Variants in SEC63 observed in about 807,000 individuals in gnomAD.
The protein encoded by SEC63 is translocation protein SEC63 homolog.
Under a neutral mutation model 116.2 loss-of-function variants are expected in SEC63, and 56 were observed. The ratio of observed to expected loss-of-function variants is 0.48; its 90% CI spans 0.39 to 0.60. The LOEUF is 0.60. Among genes scored for constraint, SEC63 ranks in the 20% least tolerant of loss-of-function variants. SEC63 has a pLI of 0.00. For synonymous variants in SEC63, 273 were observed against 294.6 expected (o/e 0.93, Z 0.75); for missense variants, 668 against 900.0 (o/e 0.74, Z 3.30).
chr6:107,912,839 T>C, intron 5 of SEC63, 65 bp from the exon 6 acceptor site: 1 of 1,151,792 alleles, frequency 8.7e-7, no homozygotes, highest in Non-Finnish European at 1.3e-6. Flanking sequence ...ATACATTAAA[T>C]ATATTTGGGA....
intron 2 of SEC63, among the ~76,000 whole-genome samples, chr6:107,926,591 C>T (rs962997616): frequency 1.3e-5 from 2 of 152,020 alleles, no homozygotes; most frequent in Non-Finnish European, 1.5e-5. Flanking sequence ...TTGGTAATAG[C>T]CTCAATATGC....
intron 16 of SEC63, among the ~76,000 whole-genome samples, chr6:107,887,304 T>A (rs1228534988): frequency 6.9e-6 from 1 of 143,888 alleles, no homozygotes; most frequent in Non-Finnish European, 1.5e-5. Context: ...CACACGTATG[T>A]TTATTGCCGC....
intron 17 of SEC63, among the ~76,000 whole-genome samples, chr6:107,881,877 G>GA (rs1786421236): frequency 6.6e-6 from 1 of 152,124 alleles, no homozygotes; most frequent in Admixed American, 6.6e-5. Flanking sequence ...ACAGCCTTGG[G>GA]ATGTGACAGG....
chr6:107,907,464 C>A (rs996810374), intron 8 of SEC63, among the ~76,000 whole-genome samples: 1 of 152,154 alleles, frequency 6.6e-6, no homozygotes, highest in African/African-American at 2.4e-5. Context: ...CGCCTGTAAT[C>A]CCAGCTACTC....
chr6:107,901,740 TA>T (rs1205513701), intron 12 of SEC63, among the ~76,000 whole-genome samples: 1 of 152,058 alleles, frequency 6.6e-6, no homozygotes, highest in Non-Finnish European at 1.5e-5. Flanking sequence ...AATACAGGCT[TA>T]TTTTTTTAAA....
Position 107,935,791 on chromosome 6 carries a change from A to AAAAAT in SEC63, c.125-6282_125-6278dup, listed in dbSNP as rs146997337. Among the ~76,000 whole-genome samples the AAAAAT allele has an allele frequency of 9.0e-3, 1,362 of 152,036 alleles. 36 individuals carry two copies. Among genetic ancestry groups the AAAAAT allele is most frequent in the South Asian group, 0.081 (389 of 4,808 alleles). ...AAACACCCAAGAATGATCAATTAAA[A>AAAAAT]AAAATAAAATAAAATAAAATAAAAT... On this transcript the variant is annotated intron_variant, in intron 1 of 20. Coordinates refer to ENST00000369002, the MANE Select transcript of SEC63 (RefSeq NM_007214.5).
At chr6:107,893,107 T>TACACAC (rs55814816) in intron 16 of SEC63, among the ~76,000 whole-genome samples, 102 of 145,918 alleles carry the variant, frequency 7.0e-4, no homozygotes, top group Non-Finnish European at 1.1e-3. Flanking sequence ...TGAAATACTA[T>TACACAC]ACACACACAC....
chr6:107,887,028 T>C (rs1022891245), intron 16 of SEC63, among the ~76,000 whole-genome samples: 2 of 152,150 alleles, frequency 1.3e-5, no homozygotes, highest in Non-Finnish European at 2.9e-5. Context: ...TCTTAAGTCT[T>C]TAGTCCACCT....
intron 1 of SEC63, among the ~76,000 whole-genome samples, chr6:107,953,807 C>T (rs7775281): frequency 0.72 from 77,672 of 108,508 alleles, 26,980 homozygotes; most frequent in Middle Eastern, 0.89. Flanking sequence ...GGTGTGAGCC[C>T]CCCGCCCGGC....
chr6:107,893,756 C>G, intron 15 of SEC63, 82 bp downstream of exon 15: 1 of 1,587,054 alleles, frequency 6.3e-7, no homozygotes, highest in Non-Finnish European at 8.7e-7. Context: ...ATTACTCTCC[C>G]AGAGCAATAT....
rs559390998 is a variant in SEC63, at chr6:107,904,704, T to C, written c.979A>G (p.Lys327Glu). 119 of 1,612,954 alleles carry C rather than the reference T, an allele frequency of 7.4e-5. 1 individual carries two copies. The South Asian group carries it at 9.1e-4, about 12-fold the overall frequency. The change falls in exon 11 of 21, where the codon AAA becomes GAA. Residue 327 changes from lysine (K) to glutamate (E), a missense_variant. Around this residue, in one of 5 missense-constraint regions of SEC63, gnomAD observed 430 missense variants for 557.5 expected, o/e 0.77. Coordinates refer to ENST00000369002, the MANE Select transcript of SEC63 (RefSeq NM_007214.5). ...TCTTGAAGTAGGGCAGGACACTTTT[T>C]TAGCATGAATTGCTGATCTGCAAAA... ...TLEEDQQFML[K>E]KCPALLQEMV...
chr6:107,903,894 T>C (rs1583743409), intron 11 of SEC63, among the ~76,000 whole-genome samples: 1 of 151,710 alleles, frequency 6.6e-6, no homozygotes, highest in South Asian at 2.1e-4. Context: ...CTGAGGCAGG[T>C]GGATCACAAG....
chr6:107,891,064 G>A (rs1055110058), intron 16 of SEC63, among the ~76,000 whole-genome samples: 5 of 152,066 alleles, frequency 3.3e-5, no homozygotes, highest in African/African-American at 9.7e-5. Context: ...TGCTCTTCTC[G>A]AGGAATATCT....
At chr6:107,910,573 C>A (rs146111664) in intron 7 of SEC63, among the ~76,000 whole-genome samples, 1 of 151,930 alleles carries the variant, frequency 6.6e-6, no homozygotes, top group Non-Finnish European at 1.5e-5. Context: ...TACATATACA[C>A]GTGTCATACA....
chr6:107,877,505 C>G (rs1246786262), intron 18 of SEC63: 2 of 151,724 alleles, frequency 1.3e-5, no homozygotes, highest in Non-Finnish European at 2.9e-5. Context: ...GTGGCACCAT[C>G]TCAGCTCACC....
chr6:107,955,498 A>G (rs1770693539), intron 1 of SEC63, among the ~76,000 whole-genome samples: 1 of 152,240 alleles, frequency 6.6e-6, no homozygotes, highest in Admixed American at 6.5e-5. Context: ...AAATAAAGTA[A>G]AAGTTGAAGT....
chr6:107,911,309 TC>T (rs1157797110), intron 7 of SEC63, 36 bp downstream of exon 7: 1 of 1,426,706 alleles, frequency 7.0e-7, no homozygotes, highest in Non-Finnish European at 9.9e-7. Context: ...CAATCTCCTT[TC>T]CAAAAAAAAC....
chr6:107,921,460 T>C (rs1787554041), intron 4 of SEC63, among the ~76,000 whole-genome samples: 1 of 151,986 alleles, frequency 6.6e-6, no homozygotes, highest in Admixed American at 6.6e-5. Context: ...ATCCTTTTTT[T>C]TTTTTTCTTT....
chr6:107,910,574 G>C (rs140088682), intron 7 of SEC63, among the ~76,000 whole-genome samples: 3 of 151,428 alleles, frequency 2.0e-5, no homozygotes, highest in Non-Finnish European at 4.4e-5. Flanking sequence ...ACATATACAC[G>C]TGTCATACAC....
Sources: allele counts gnomAD v4.1 joint callset (sites outside exome capture counted in the v4.1 genomes callset), GRCh38; gene constraint gnomAD v4.1.1; regional missense constraint gnomAD v4.1.1; transcripts MANE v1.5; gene names NCBI Gene and HGNC (gene_info 2026-07-23, HGNC 2026-07-21).